The following CSNK2A1 variants were observed in gnomAD, a reference collection of about 807,000 sequenced individuals.
The protein encoded by CSNK2A1 is casein kinase II subunit alpha.
CSNK2A1 carries 10 observed loss-of-function variants against 62.9 expected under a neutral mutation model. The observed-to-expected ratio is 0.16, with a 90% CI of 0.10 to 0.27. The LOEUF (loss-of-function observed/expected upper bound fraction) is 0.27, where lower values mean the gene tolerates loss of function less well. Ranked by LOEUF, CSNK2A1 falls within the 10% of genes least tolerant of loss-of-function variation. The pLI, the probability that CSNK2A1 is intolerant of heterozygous loss-of-function variation, is 1.00. For synonymous variants in CSNK2A1, 124 were observed against 167.8 expected (o/e 0.74, Z 2.02); for missense variants, 160 against 492.0 (o/e 0.33, Z 6.38).
intron 8 of CSNK2A1, among the ~76,000 whole-genome samples, chr20:493,305 C>T (rs952451032): frequency 6.6e-6 from 1 of 152,162 alleles, no homozygotes. Context: ...TCCAAGCCAC[C>T]ACCACCTCTT....
intron 2 of CSNK2A1, among the ~76,000 whole-genome samples, chr20:515,565 G>A (rs906709204): frequency 6.6e-6 from 1 of 152,076 alleles, no homozygotes; most frequent in Non-Finnish European, 1.5e-5. Flanking sequence ...CAGTGAGTTG[G>A]CCTCCAAGGT....
At chr20:536,753 T>A (rs569360904) in intron 1 of CSNK2A1, among the ~76,000 whole-genome samples, 1 of 152,244 alleles carries the variant, frequency 6.6e-6, no homozygotes, top group South Asian at 2.1e-4. Context: ...ATCTACTAAG[T>A]TGTGGTATGA....
At chr20:527,338 C>T (rs553060074) in intron 2 of CSNK2A1, among the ~76,000 whole-genome samples, 1 of 152,330 alleles carries the variant, frequency 6.6e-6, no homozygotes, top group South Asian at 2.1e-4. Context: ...TAAATTCAAT[C>T]AGTATTGTTT....
At chr20:517,865 A>C (rs1181987815) in intron 2 of CSNK2A1, among the ~76,000 whole-genome samples, 1 of 152,176 alleles carries the variant, frequency 6.6e-6, no homozygotes, top group Non-Finnish European at 1.5e-5. Flanking sequence ...CAACCTTTTT[A>C]TATCTGATTT....
rs533864884 is a variant in CSNK2A1, at chr20:510,032, T to C, written c.-109-1372A>G. ...CATAAATGCAATACTCTAGACTGTA[T>C]CCCATACTGCAGGAGGTGGAGGGGG... On this transcript the variant is annotated intron_variant, in intron 2 of 13. Transcript: ENST00000217244. 5 of 152,360 alleles carry C rather than the reference T, an allele frequency of 3.3e-5. No individual in the cohort carries two copies. In the East Asian group the frequency reaches 9.6e-4, roughly 29 times the overall value. 9.4% of individuals were successfully genotyped at this position (152,360 alleles called of 1,614,324 possible).
At chr20:530,255 T>C (rs751321396) in intron 1 of CSNK2A1, among the ~76,000 whole-genome samples, 6 of 152,204 alleles carry the variant, frequency 3.9e-5, no homozygotes, top group Non-Finnish European at 7.3e-5. Flanking sequence ...TCATGCAATA[T>C]GTGGCCTCTT....
intron 2 of CSNK2A1, among the ~76,000 whole-genome samples, chr20:514,934 C>A (rs1353740206): frequency 1.3e-5 from 2 of 152,134 alleles, no homozygotes; most frequent in African/African-American, 4.8e-5. Context: ...AAGTACTATC[C>A]TAGGCCTTAG....
chr20:481,491 A>AC lies in CSNK2A1; in HGVS notation c.*2469dup, dbSNP rs1488917601. 3.4e-4 allele frequency: 15 copies of AC among 44,516 alleles called. No homozygotes were observed. Among genetic ancestry groups the AC allele is most frequent in the Admixed American group, 6.7e-4 (2 of 3,006 alleles). 2.8% of individuals were successfully genotyped at this position (44,516 alleles called of 1,614,324 possible). A position where few individuals can be genotyped will look rare whatever the true frequency, so the allele number is the denominator to read the frequency against. ...CTCTGTAAACCCTTGCCTCCCCCCC[A>AC]CCCCCCACCCAATTGGGTCTTTTTT... On this transcript the variant is annotated 3_prime_UTR_variant, in exon 14 of 14. Coordinates refer to ENST00000217244, the MANE Select transcript of CSNK2A1 (RefSeq NM_177559.3).
rs200636816 is a variant in CSNK2A1 at position 505,233 on chromosome 20, T to C, written c.102-4A>G. 4 of 1,610,132 alleles carry C rather than the reference T, an allele frequency of 2.5e-6. No individual in the cohort carries two copies. The highest frequency in any genetic ancestry group is 1.3e-5 in the African/African-American group (1 of 74,868). On this transcript the variant is annotated splice_polypyrimidine_tract_variant and splice_region_variant and intron_variant, in intron 3 of 13. Transcript: ENST00000217244. ...CAGCTGGTAGTCATCTTGATTTCTG[T>C]GGACACAAACAAAATGACTTATAAA... is the stretch of plus-strand genomic sequence containing the variant.
intron 4 of CSNK2A1, chr20:502,906 A>G (rs930258960): frequency 6.6e-6 from 1 of 151,880 alleles, no homozygotes; most frequent in Non-Finnish European, 1.5e-5. Context: ...TCCCTTCACC[A>G]CTTCCACCCA....
At chr20:506,258 A>T (rs1258512649) in intron 3 of CSNK2A1, 1 of 152,196 alleles carries the variant, frequency 6.6e-6, no homozygotes. Context: ...ATTTTGCAAG[A>T]CTGTTTCAAT....
intron 2 of CSNK2A1, among the ~76,000 whole-genome samples, chr20:516,038 T>G (rs1023551585): frequency 2.6e-5 from 4 of 152,182 alleles, no homozygotes; most frequent in Non-Finnish European, 1.5e-5. Context: ...GAAACTTGAT[T>G]TTACCAATTT....
chr20:530,389 T>A (rs2019188350), intron 1 of CSNK2A1, among the ~76,000 whole-genome samples: 1 of 152,192 alleles, frequency 6.6e-6, no homozygotes, highest in Non-Finnish European at 1.5e-5. Flanking sequence ...CTGACAGATA[T>A]TTGGACTGTC....
chr20:483,335 T>C lies in CSNK2A1; in HGVS notation c.*626A>G, dbSNP rs1435801888. On this transcript the variant is annotated 3_prime_UTR_variant, in exon 14 of 14. Coordinates refer to ENST00000217244, the MANE Select transcript of CSNK2A1 (RefSeq NM_177559.3). ...TTTTAGTATCTGTCTGCATTTTGGG[T>C]AGATTTTCAACATCTTGATGTAACT... The C allele has an allele frequency of 3.3e-5, 5 of 152,148 alleles. No homozygotes were observed. Among genetic ancestry groups the C allele is most frequent in the African/African-American group, 1.2e-4 (5 of 41,390 alleles). 9.4% of individuals were successfully genotyped at this position (152,148 alleles called of 1,614,324 possible).
At chr20:537,488 C>T (rs2122656872) in intron 1 of CSNK2A1, among the ~76,000 whole-genome samples, 1 of 149,866 alleles carries the variant, frequency 6.7e-6, no homozygotes, top group South Asian at 2.1e-4. Context: ...TCTTTGACTT[C>T]TACATGTGAA....
At chr20:534,109 C>T (rs1349989117) in intron 1 of CSNK2A1, among the ~76,000 whole-genome samples, 2 of 152,278 alleles carry the variant, frequency 1.3e-5, no homozygotes, top group Non-Finnish European at 1.5e-5. Context: ...TCTTACAAAC[C>T]AGGCACAGTA....
chr20:519,901 G>A (rs1469552920), intron 2 of CSNK2A1, among the ~76,000 whole-genome samples: 1 of 152,102 alleles, frequency 6.6e-6, no homozygotes, highest in South Asian at 2.1e-4. Flanking sequence ...AAAACACAGT[G>A]TATTGAGGAG....
intron 1 of CSNK2A1, among the ~76,000 whole-genome samples, chr20:541,776 C>A (rs2019455823): frequency 6.6e-6 from 1 of 152,168 alleles, no homozygotes; most frequent in Non-Finnish European, 1.5e-5. Flanking sequence ...AGTCACCTCA[C>A]GGGGACCTAA....
At chr20:510,994 T>C (rs73569086) in intron 2 of CSNK2A1, among the ~76,000 whole-genome samples, 3,559 of 152,092 alleles carry the variant, frequency 0.023, 143 homozygotes, top group African/African-American at 0.082. Flanking sequence ...AGTACTGTGA[T>C]TATAGGAGTG....
Sources: gnomAD v4.1 joint callset for allele counts (sites outside exome capture counted in the v4.1 genomes callset) on GRCh38, gnomAD v4.1.1 for gene constraint, MANE v1.5 for transcripts, NCBI Gene and HGNC (gene_info 2026-07-23, HGNC 2026-07-21) for gene names.